Variants in DR1 observed in about 807,000 individuals in gnomAD.
DR1 encodes the protein protein Dr1.
In DR1, 7 loss-of-function variants were observed where a neutral mutation model predicts 19.9. The ratio of observed to expected loss-of-function variants is 0.35; its 90% CI spans 0.20 to 0.66. The LOEUF is 0.66. Ranked by LOEUF, DR1 falls within the 30% of genes least tolerant of loss-of-function variation. The pLI, the probability that DR1 is intolerant of heterozygous loss-of-function variation, is 0.66. For missense variants in DR1, 98 were observed against 203.7 expected, an observed-to-expected ratio of 0.48 and a Z score of 3.16; for synonymous variants, 76 against 72.5, an observed-to-expected ratio of 1.05 and a Z score of -0.24.
At chr1:93,360,469 T>G (rs1178580497) in intron 2 of DR1, 24 bp from the exon 3 acceptor site, 3 of 1,536,938 alleles carry the variant, frequency 2.0e-6, no homozygotes, top group Non-Finnish European at 2.6e-6. Flanking sequence ...AATTGTTATT[T>G]TTTTTTATGT....
intron 1 of DR1, among the ~76,000 whole-genome samples, chr1:93,350,072 T>G (rs1666897738): frequency 6.6e-6 from 1 of 152,202 alleles, no homozygotes; most frequent in South Asian, 2.1e-4. Context: ...CTGCAAAATT[T>G]ATCACATAAT....
chr1:93,351,731 C>A (rs961236812), intron 1 of DR1, among the ~76,000 whole-genome samples: 3 of 152,078 alleles, frequency 2.0e-5, no homozygotes, highest in African/African-American at 7.2e-5. Flanking sequence ...CCACCATGGT[C>A]GGCTGGCTTG....
At chr1:93,354,363 T>G (rs1258993159) in intron 2 of DR1, among the ~76,000 whole-genome samples, 1 of 152,158 alleles carries the variant, frequency 6.6e-6, no homozygotes, top group African/African-American at 2.4e-5. Context: ...TTCTTAAGAT[T>G]TAAAATGATG....
chr1:93,351,680 C>G lies in DR1; in HGVS notation c.221-2228C>G, dbSNP rs985496693. 4.6e-5 allele frequency among the ~76,000 whole-genome samples: 7 copies of G among 152,124 alleles called. 1 individual carries two copies. The highest frequency in any genetic ancestry group is 3.9e-4 in the Admixed American group (6 of 15,278). ...CTAACTCCTGACTTCAAGTAATCCCCGTGCCTTGGCCTCCCAGAGTGCTGG... is the reference window on the plus strand; with the variant it reads ...CTAACTCCTGACTTCAAGTAATCCCGGTGCCTTGGCCTCCCAGAGTGCTGG... On this transcript the variant is annotated intron_variant, in intron 1 of 2. Transcript: ENST00000370272.
rs55792701 is a variant in DR1 at position 93,362,826 on chromosome 1, C to CTT, written c.*2214_*2215dup. 1.3e-3 allele frequency: 68 copies of CTT among 52,868 alleles called. 5 individuals carry two copies. Among genetic ancestry groups the CTT allele is most frequent in the African/African-American group, 5.1e-3 (65 of 12,650 alleles). The allele number at this position is 52,868 out of a possible 1,614,324, so 3.3% of individuals were successfully genotyped here. ...GCAATATTTTATTTTTAGGTTTTTT[C>CTT]TTTTTTTTTTTTTTTTTTTTTTTTT... On this transcript the variant is annotated 3_prime_UTR_variant, in exon 3 of 3. Transcript: ENST00000370272.
intron 1 of DR1, among the ~76,000 whole-genome samples, chr1:93,348,038 A>G (rs1438550398): frequency 6.6e-6 from 1 of 152,126 alleles, no homozygotes; most frequent in Non-Finnish European, 1.5e-5. Context: ...ATCTGCTTAT[A>G]TTGACCATAT....
rs1447848801 is a variant in DR1 at position 93,346,608 on chromosome 1, G to A, written c.-38G>A. 1 of 1,583,960 alleles carries A rather than the reference G, an allele frequency of 6.3e-7. No individual in the cohort carries two copies. Among genetic ancestry groups the A allele is most frequent in the Non-Finnish European group, 8.7e-7 (1 of 1,155,366 alleles). On this transcript the variant is annotated 5_prime_UTR_variant, in exon 1 of 3. Coordinates refer to ENST00000370272, the MANE Select transcript of DR1 (RefSeq NM_001938.3). ...TGGAGTAGTGGACCAGAGCTGGGGA[G>A]TTTTTAAAAGCCGGGGCGCGAGAAA... is the stretch of plus-strand genomic sequence containing the variant.
intron 2 of DR1, among the ~76,000 whole-genome samples, chr1:93,357,813 C>G (rs1458356966): frequency 6.6e-6 from 1 of 152,128 alleles, no homozygotes; most frequent in Non-Finnish European, 1.5e-5. Flanking sequence ...CACCCTACTC[C>G]TGCCCTTCAG....
At chr1:93,349,735 C>T (rs1035165193) in intron 1 of DR1, among the ~76,000 whole-genome samples, 2 of 152,066 alleles carry the variant, frequency 1.3e-5, no homozygotes, top group African/African-American at 4.8e-5. Context: ...TAAAAAATTC[C>T]TGTCCTTCTC....
intron 2 of DR1, among the ~76,000 whole-genome samples, chr1:93,356,168 A>G (rs553385699): frequency 6.6e-6 from 1 of 152,320 alleles, no homozygotes; most frequent in South Asian, 2.1e-4. Flanking sequence ...AATATATTAC[A>G]GTAAATATCA....
chr1:93,359,061 T>G (rs149636516), intron 2 of DR1, among the ~76,000 whole-genome samples: 14 of 152,296 alleles, frequency 9.2e-5, no homozygotes, highest in African/African-American at 3.4e-4. Flanking sequence ...AAAAAGACTA[T>G]AGAGAGGTTG....
At chr1:93,347,076 T>C (rs1366726929) in intron 1 of DR1, among the ~76,000 whole-genome samples, 2 of 152,108 alleles carry the variant, frequency 1.3e-5, no homozygotes, top group East Asian at 3.9e-4. Flanking sequence ...ATGTAAGGAG[T>C]GCAAACATTT....
intron 1 of DR1, among the ~76,000 whole-genome samples, chr1:93,347,771 A>G (rs535290548): frequency 6.6e-6 from 1 of 152,126 alleles, no homozygotes; most frequent in Non-Finnish European, 1.5e-5. Context: ...GAGGAGAAAC[A>G]TATTTACTAT....
Position 93,351,505 on chromosome 1 carries a change from G to A in DR1, c.221-2403G>A, listed in dbSNP as rs113915404. Among the ~76,000 whole-genome samples, 885 of 143,608 alleles carry A rather than the reference G, an allele frequency of 6.2e-3. 7 individuals are homozygous for A. The highest frequency in any genetic ancestry group is 0.022 in the African/African-American group (832 of 38,362). 94.2% of individuals were successfully genotyped at this position (143,608 alleles called of 152,430 possible). ...GGCTGGAGTGCAGTGGTGTGACCTC[G>A]GCTCTCTACAAGCTCTGCCTCCCGG... is the stretch of plus-strand genomic sequence containing the variant. On this transcript the variant is annotated intron_variant, in intron 1 of 2. Coordinates refer to ENST00000370272, the MANE Select transcript of DR1 (RefSeq NM_001938.3).
chr1:93,347,542 C>T (rs1666865524), intron 1 of DR1, among the ~76,000 whole-genome samples: 1 of 151,554 alleles, frequency 6.6e-6, no homozygotes, highest in South Asian at 2.1e-4. Flanking sequence ...TTGTTCTATT[C>T]TGTGGAGATA....
chr1:93,357,912 A>G (rs1471377535), intron 2 of DR1, among the ~76,000 whole-genome samples: 2 of 152,214 alleles, frequency 1.3e-5, no homozygotes, highest in African/African-American at 2.4e-5. Context: ...AAAATGAAGA[A>G]TATATCATTA....
intron 1 of DR1, among the ~76,000 whole-genome samples, chr1:93,349,857 A>G (rs1666895673): frequency 6.6e-6 from 1 of 152,146 alleles, no homozygotes; most frequent in Non-Finnish European, 1.5e-5. Flanking sequence ...TTATTTTGTC[A>G]AATTGCAATG....
rs1258949586 is a variant in DR1 at position 93,362,174 on chromosome 1, TAA to T, written c.*1537_*1538del. ...AAGGGAAATATTGTTATACATTTAT[TAA>T]ATATACTTCCCCCATGAAGTGAAAA... On this transcript the variant is annotated 3_prime_UTR_variant, in exon 3 of 3. Coordinates refer to ENST00000370272, the MANE Select transcript of DR1 (RefSeq NM_001938.3). The T allele has an allele frequency of 6.6e-6, 1 of 152,490 alleles. No individual in the cohort carries two copies. Among genetic ancestry groups the T allele is most frequent in the Admixed American group, 6.5e-5 (1 of 15,276 alleles). The allele number at this position is 152,490 out of a possible 1,614,324, so 9.4% of individuals were successfully genotyped here.
At position 93,360,664 on chromosome 1, in the gene DR1, C is replaced by G; in HGVS notation, c.*25C>G. The stretch of plus-strand genomic sequence containing the variant: ...AAATTCACCAGCTGAGTTTCTATTT[C>G]TTCTATAAATGTTTTTCCCTGCACA... On this transcript the variant is annotated 3_prime_UTR_variant, in exon 3 of 3. Coordinates refer to ENST00000370272, the MANE Select transcript of DR1 (RefSeq NM_001938.3). 1 of 1,575,836 alleles carries G rather than the reference C, an allele frequency of 6.3e-7. No homozygotes were observed. Among genetic ancestry groups the G allele is most frequent in the South Asian group, 1.2e-5 (1 of 83,156 alleles).
Sources: gnomAD v4.1 joint callset for allele counts (sites outside exome capture counted in the v4.1 genomes callset) on GRCh38, gnomAD v4.1.1 for gene constraint, MANE v1.5 for transcripts, NCBI Gene and HGNC (gene_info 2026-07-23, HGNC 2026-07-21) for gene names.